Variants in MACROD2 observed in about 807,000 individuals in gnomAD.
MACROD2 encodes ADP-ribose glycohydrolase MACROD2.
Under a neutral mutation model 70.4 loss-of-function variants are expected in MACROD2, and 36 were observed. The observed-to-expected ratio is 0.51, with a 90% CI of 0.39 to 0.68. The LOEUF (loss-of-function observed/expected upper bound fraction) is 0.68. Among genes scored for constraint, MACROD2 ranks in the 30% least tolerant of loss-of-function variants. The probability of loss-of-function intolerance (pLI) is 0.00; values close to 1 mark genes in which losing one functional copy is unlikely to be tolerated. For missense variants in MACROD2, 496 were observed against 538.4 expected, an observed-to-expected ratio of 0.92 and a Z score of 0.78; for synonymous variants, 172 against 178.8, an observed-to-expected ratio of 0.96 and a Z score of 0.30.
chr20:15,428,473 A>G (rs1246544760), intron 6 of MACROD2, among the ~76,000 whole-genome samples: 1 of 152,218 alleles, frequency 6.6e-6, no homozygotes, highest in South Asian at 2.1e-4. Context: ...TAAAATTTCC[A>G]GTTGAAATAT....
intron 3 of MACROD2, among the ~76,000 whole-genome samples, chr20:14,100,138 T>A (rs1402760800): frequency 6.6e-6 from 1 of 151,970 alleles, no homozygotes; most frequent in Non-Finnish European, 1.5e-5. Flanking sequence ...ATTACTACTA[T>A]CACTGTTAAC....
At chr20:15,077,467 G>A (rs776601618) in intron 5 of MACROD2, among the ~76,000 whole-genome samples, 15 of 152,274 alleles carry the variant, frequency 9.9e-5, no homozygotes, top group Middle Eastern at 6.8e-3. Flanking sequence ...ATGTGAAAGC[G>A]TCTTGAAATT....
At chr20:15,864,047 A>G (rs1163414003) in intron 9 of MACROD2, among the ~76,000 whole-genome samples, 2 of 152,142 alleles carry the variant, frequency 1.3e-5, no homozygotes, top group Admixed American at 6.5e-5. Flanking sequence ...TGTGGTTATA[A>G]TCTTTTTCTC....
chr20:14,641,020 C>T (rs1423578002), intron 4 of MACROD2, among the ~76,000 whole-genome samples: 1 of 152,198 alleles, frequency 6.6e-6, no homozygotes, highest in Admixed American at 6.5e-5. Context: ...TGTTTCATAG[C>T]ATTTTACTCA....
In MACROD2 at chr20:15,228,208, C is replaced by T. The variant is rs946703906; in HGVS notation, c.419-1732C>T. The stretch of plus-strand genomic sequence containing the variant: ...GTGCTATTTTTTTTCCTGAGTACAC[C>T]TCAAGCCCATTTATCCTTCACTTCT... On this transcript the variant is annotated intron_variant, in intron 5 of 17. Transcript: ENST00000684519. Among the ~76,000 whole-genome samples the T allele has an allele frequency of 5.3e-5, 8 of 152,090 alleles. No individual in the cohort carries two copies. The South Asian group carries it at 1.2e-3, about 24-fold the overall frequency.
intron 4 of MACROD2, among the ~76,000 whole-genome samples, chr20:14,496,139 C>T (rs894004267): frequency 6.6e-6 from 1 of 152,096 alleles, no homozygotes; most frequent in Non-Finnish European, 1.5e-5. Flanking sequence ...AGCTAGTAAT[C>T]ATCTAATAAG....
At chr20:14,853,440 T>C (rs75171455) in intron 5 of MACROD2, among the ~76,000 whole-genome samples, 4,183 of 151,668 alleles carry the variant, frequency 0.028, 197 homozygotes, top group African/African-American at 0.095. Flanking sequence ...TAAATTAAGA[T>C]GTTCATAGAT....
chr20:15,945,424 TAAAC>T (rs2065808257), intron 12 of MACROD2, among the ~76,000 whole-genome samples: 1 of 152,188 alleles, frequency 6.6e-6, no homozygotes, highest in Non-Finnish European at 1.5e-5. Context: ...TCTCCTATGA[TAAAC>T]AAGCACTTTT....
At chr20:14,825,215 A>C (rs976285885) in intron 5 of MACROD2, among the ~76,000 whole-genome samples, 1 of 152,040 alleles carries the variant, frequency 6.6e-6, no homozygotes, top group African/African-American at 2.4e-5. Context: ...GAACATTCTA[A>C]TTAACCAAGT....
At chr20:14,283,749 C>T (rs992548834) in intron 3 of MACROD2, among the ~76,000 whole-genome samples, 1 of 152,102 alleles carries the variant, frequency 6.6e-6, no homozygotes, top group Admixed American at 6.6e-5. Context: ...ATCTGCCTAC[C>T]TTGGCATACC....
chr20:15,448,007 T>C (rs1217409440), intron 7 of MACROD2, among the ~76,000 whole-genome samples: 2 of 152,032 alleles, frequency 1.3e-5, no homozygotes, highest in African/African-American at 4.8e-5. Flanking sequence ...CTAATCCCCA[T>C]CCCATCTCTG....
chr20:14,782,260 T>A (rs2072311272), intron 5 of MACROD2, among the ~76,000 whole-genome samples: 2 of 151,930 alleles, frequency 1.3e-5, no homozygotes, highest in African/African-American at 2.4e-5. Context: ...ACTAAAAAAA[T>A]AATCATTAGC....
intron 4 of MACROD2, among the ~76,000 whole-genome samples, chr20:14,662,778 C>G (rs1445355910): frequency 6.6e-6 from 1 of 151,852 alleles, no homozygotes; most frequent in African/African-American, 2.4e-5. Context: ...ATGAAAACCA[C>G]AATGAGATAC....
At chr20:15,311,712 A>G (rs1002486107) in intron 6 of MACROD2, among the ~76,000 whole-genome samples, 1 of 152,202 alleles carries the variant, frequency 6.6e-6, no homozygotes, top group Non-Finnish European at 1.5e-5. Flanking sequence ...ATGTTCTCAC[A>G]TATAAGTGGG....
intron 5 of MACROD2, among the ~76,000 whole-genome samples, chr20:14,778,735 G>A (rs1053330266): frequency 2.0e-4 from 31 of 152,130 alleles, no homozygotes; most frequent in African/African-American, 6.0e-4. Flanking sequence ...GCTTTACTGT[G>A]AAGCTTGAGC....
chr20:15,997,517 T>C (rs1194890366), intron 15 of MACROD2, among the ~76,000 whole-genome samples: 1 of 152,174 alleles, frequency 6.6e-6, no homozygotes, highest in Non-Finnish European at 1.5e-5. Context: ...TGCTAGTGTA[T>C]AGAAATGCAC....
intron 2 of MACROD2, among the ~76,000 whole-genome samples, chr20:14,026,879 A>G (rs979107130): frequency 1.3e-5 from 2 of 152,228 alleles, no homozygotes; most frequent in African/African-American, 2.4e-5. Flanking sequence ...CAGCTTTAGC[A>G]GAAGTAAATA....
chr20:14,362,491 T>C (rs2083231434), intron 3 of MACROD2, among the ~76,000 whole-genome samples: 2 of 152,180 alleles, frequency 1.3e-5, no homozygotes, highest in Admixed American at 6.5e-5. Flanking sequence ...CCCTCCGCCC[T>C]CATTCCTACC....
intron 4 of MACROD2, among the ~76,000 whole-genome samples, chr20:14,564,927 A>C (rs966713135): frequency 9.2e-5 from 14 of 152,002 alleles, no homozygotes; most frequent in Non-Finnish European, 1.8e-4. Flanking sequence ...AGAGTCATGG[A>C]ATCAACCTAA....
Sources: allele counts gnomAD v4.1 joint callset (sites outside exome capture counted in the v4.1 genomes callset), GRCh38; gene constraint gnomAD v4.1.1; transcripts MANE v1.5; gene names NCBI Gene and HGNC (gene_info 2026-07-23, HGNC 2026-07-21).